Variants in OR2L13 observed in about 807,000 individuals in gnomAD.
The protein encoded by OR2L13 is olfactory receptor family 2 subfamily L member 13.
In OR2L13, 14 loss-of-function variants were observed where a neutral mutation model predicts 15.3. The ratio of observed to expected loss-of-function variants is 0.91; its 90% CI spans 0.60 to 1.43. The LOEUF (loss-of-function observed/expected upper bound fraction) is 1.43, where lower values mean the gene tolerates loss of function less well. Among genes scored for constraint, OR2L13 ranks in the 40% most tolerant of loss-of-function variants. The probability of loss-of-function intolerance (pLI) is 0.00; values close to 1 mark genes in which losing one functional copy is unlikely to be tolerated. For missense variants in OR2L13, 367 were observed against 387.9 expected, an observed-to-expected ratio of 0.95 and a Z score of 0.45; for synonymous variants, 152 against 142.9, an observed-to-expected ratio of 1.06 and a Z score of -0.45.
chr1:248,044,900 C>T, the OR2L13 span, among the ~76,000 whole-genome samples: 1 of 150,780 alleles, frequency 6.6e-6, no homozygotes, highest in Admixed American at 6.6e-5. Context: ...CCTCCTTCAG[C>T]TGACCTATGA....
the OR2L13 span, among the ~76,000 whole-genome samples, chr1:248,021,609 T>A: frequency 1.3e-5 from 2 of 152,294 alleles, no homozygotes; most frequent in African/African-American, 4.8e-5. Context: ...CATGAAGCAT[T>A]TTGTCATCAC....
At chr1:247,972,076 A>T in the OR2L13 span, among the ~76,000 whole-genome samples, 1 of 152,238 alleles carries the variant, frequency 6.6e-6, no homozygotes, top group African/African-American at 2.4e-5. Flanking sequence ...ACCAGTGAGA[A>T]CAAAGACATA....
the OR2L13 span, among the ~76,000 whole-genome samples, chr1:248,064,018 G>T: frequency 6.6e-6 from 1 of 152,310 alleles, no homozygotes; most frequent in Middle Eastern, 3.4e-3. Context: ...GGAGCCCTTT[G>T]AGTGTAGGAC....
the OR2L13 span, among the ~76,000 whole-genome samples, chr1:247,985,180 C>T: frequency 1.3e-5 from 2 of 151,974 alleles, no homozygotes; most frequent in South Asian, 4.2e-4. Flanking sequence ...TATACATGTG[C>T]CATGTTGGTG....
the OR2L13 span, chr1:247,990,572 T>G: frequency 6.4e-7 from 1 of 1,563,418 alleles, no homozygotes; most frequent in African/African-American, 1.4e-5. Flanking sequence ...CAGAGTTTCT[T>G]CTTCCTGACT....
At chr1:248,003,501 C>T in the OR2L13 span, 3 of 1,611,570 alleles carry the variant, frequency 1.9e-6, no homozygotes, top group African/African-American at 2.7e-5. Context: ...CGTTGCATTG[C>T]TATTTGCTTT....
the OR2L13 span, chr1:247,939,148 T>A: frequency 1.3e-5 from 2 of 152,216 alleles, no homozygotes; most frequent in Non-Finnish European, 2.9e-5. Context: ...CGATTCTGCT[T>A]AATAAACTGC....
chr1:248,084,441 C>T, the OR2L13 span: 5 of 1,595,380 alleles, frequency 3.1e-6, no homozygotes, highest in Admixed American at 5.1e-5. Flanking sequence ...CGTGTGGAGC[C>T]GGCCGGTCCC....
the OR2L13 span, among the ~76,000 whole-genome samples, chr1:247,987,869 A>G: frequency 3.3e-5 from 5 of 152,068 alleles, no homozygotes; most frequent in African/African-American, 9.7e-5. Context: ...TGACAACATC[A>G]TCTCATCTGA....
At chr1:247,940,408 T>C in the OR2L13 span, among the ~76,000 whole-genome samples, 1 of 152,194 alleles carries the variant, frequency 6.6e-6, no homozygotes, top group Admixed American at 6.5e-5. Flanking sequence ...TTTAAGTTAA[T>C]TTTATCAAGT....
At chr1:248,002,328 T>C in the OR2L13 span, among the ~76,000 whole-genome samples, 7 of 141,324 alleles carry the variant, frequency 5.0e-5, no homozygotes, top group African/African-American at 2.1e-4. Flanking sequence ...TAAGCACATA[T>C]ACTGTTGTGC....
the OR2L13 span, among the ~76,000 whole-genome samples, chr1:248,053,527 C>T: frequency 6.6e-6 from 1 of 152,172 alleles, no homozygotes; most frequent in Admixed American, 6.5e-5. Context: ...GAGGAATTGC[C>T]ACACTGTCTT....
chr1:248,002,246 A>AT, the OR2L13 span, among the ~76,000 whole-genome samples: 51 of 152,156 alleles, frequency 3.4e-4, 2 homozygotes, highest in Non-Finnish European at 2.9e-5. Flanking sequence ...AATTTAAGTG[A>AT]TTTTTTATTA....
the OR2L13 span, among the ~76,000 whole-genome samples, chr1:247,940,731 C>CGTGCGT: frequency 5.4e-3 from 798 of 147,174 alleles, 7 homozygotes; most frequent in African/African-American, 0.019. Flanking sequence ...TGCATACGTG[C>CGTGCGT]GTGTGTGTGT....
At chr1:248,095,607 CT>C (rs780686820), upstream of OR2L13, among the ~76,000 whole-genome samples, 9 of 37,308 alleles carry the variant, frequency 2.4e-4, 1 homozygote, top group Admixed American at 6.4e-4. Flanking sequence ...AAAGCTGCTG[CT>C]TTTTTTTTTT....
At chr1:247,940,731 C>CGTGTGT in the OR2L13 span, among the ~76,000 whole-genome samples, 6,764 of 147,000 alleles carry the variant, frequency 0.046, 329 homozygotes, top group African/African-American at 0.13. Flanking sequence ...TGCATACGTG[C>CGTGTGT]GTGTGTGTGT....
chr1:248,024,887 C>T, the OR2L13 span, among the ~76,000 whole-genome samples: 15 of 152,220 alleles, frequency 9.9e-5, no homozygotes, highest in South Asian at 6.2e-4. Context: ...CTTGGCGATG[C>T]GGGCTCTTTT....
the OR2L13 span, among the ~76,000 whole-genome samples, chr1:248,018,024 G>A: frequency 6.6e-6 from 1 of 151,934 alleles, no homozygotes. Context: ...GCGTGGTGGT[G>A]GGCCCCTGTA....
At chr1:248,004,426 T>C in the OR2L13 span, among the ~76,000 whole-genome samples, 1 of 152,262 alleles carries the variant, frequency 6.6e-6, no homozygotes, top group Non-Finnish European at 1.5e-5. Flanking sequence ...ATTTTAAATT[T>C]ACATTTTTGT....
Sources: gnomAD v4.1 joint callset for allele counts (sites outside exome capture counted in the v4.1 genomes callset) on GRCh38, gnomAD v4.1.1 for gene constraint, MANE v1.5 for transcripts, NCBI Gene and HGNC (gene_info 2026-07-23, HGNC 2026-07-21) for gene names.